Variants in ESRRG observed in about 807,000 individuals in gnomAD.
ESRRG encodes the protein estrogen related receptor gamma, also known as estrogen-related receptor gamma.
A neutral mutation model predicts 44.0 loss-of-function variants in ESRRG; 13 were observed. The ratio of observed to expected loss-of-function variants is 0.30; its 90% CI spans 0.19 to 0.47. The LOEUF (loss-of-function observed/expected upper bound fraction) is 0.47. Among genes scored for constraint, ESRRG ranks in the 20% least tolerant of loss-of-function variants. The pLI, the probability that ESRRG is intolerant of heterozygous loss-of-function variation, is 1.00. For missense variants in ESRRG, 395 were observed against 580.6 expected (o/e 0.68, Z 3.29); for synonymous variants, 215 against 214.6 (o/e 1.00, Z -0.02).
chr1:216,753,021 C>A (rs904872953), intron 2 of ESRRG, among the ~76,000 whole-genome samples: 1 of 151,942 alleles, frequency 6.6e-6, no homozygotes, highest in Admixed American at 6.6e-5. Context: ...TGCAGAACCA[C>A]CAGTAAGTTT....
At chr1:216,810,730 C>T (rs1360133190) in intron 2 of ESRRG, among the ~76,000 whole-genome samples, 1 of 147,286 alleles carries the variant, frequency 6.8e-6, no homozygotes, top group Non-Finnish European at 1.5e-5. Context: ...GTATGATATA[C>T]ACATGTATAT....
intron 2 of ESRRG, among the ~76,000 whole-genome samples, chr1:216,830,324 G>A (rs558729038): frequency 1.6e-4 from 24 of 152,266 alleles, no homozygotes; most frequent in East Asian, 1.2e-3. Flanking sequence ...CTGTCAAGTC[G>A]AGAACGAAGT....
intron 2 of ESRRG, among the ~76,000 whole-genome samples, chr1:216,800,890 A>G (rs947791474): frequency 5.3e-5 from 8 of 152,194 alleles, no homozygotes; most frequent in African/African-American, 1.9e-4. Context: ...GAAGGTATTA[A>G]CATATTAACA....
chr1:216,736,858 A>C (rs1360363410), intron 2 of ESRRG, among the ~76,000 whole-genome samples: 1 of 152,190 alleles, frequency 6.6e-6, no homozygotes, highest in Admixed American at 6.5e-5. Context: ...GGACATGCCA[A>C]GATGTGAGAA....
chr1:216,884,651 G>A (rs968224225), intron 2 of ESRRG, among the ~76,000 whole-genome samples: 1 of 152,182 alleles, frequency 6.6e-6, no homozygotes, highest in East Asian at 1.9e-4. Context: ...TCTAGGACAA[G>A]ACAACTTTCT....
chr1:216,592,658 G>A (rs893770199), intron 3 of ESRRG, among the ~76,000 whole-genome samples: 6 of 151,958 alleles, frequency 3.9e-5, no homozygotes, highest in African/African-American at 9.7e-5. Flanking sequence ...GCACCACCAC[G>A]CCCAGCTAAT....
intron 2 of ESRRG, among the ~76,000 whole-genome samples, chr1:216,860,366 G>T (rs2096028884): frequency 6.6e-6 from 1 of 152,066 alleles, no homozygotes; most frequent in African/African-American, 2.4e-5. Context: ...CAAATTGGAG[G>T]CAAGGGAGAT....
intron 1 of ESRRG, among the ~76,000 whole-genome samples, chr1:217,073,915 C>T (rs1394428669): frequency 6.6e-6 from 1 of 152,024 alleles, no homozygotes; most frequent in Non-Finnish European, 1.5e-5. Flanking sequence ...GACAATACTC[C>T]CAAGAAATAT....
At chr1:216,825,816 G>A (rs1214110080) in intron 2 of ESRRG, among the ~76,000 whole-genome samples, 1 of 152,100 alleles carries the variant, frequency 6.6e-6, no homozygotes, top group Admixed American at 6.6e-5. Flanking sequence ...GTAATGACAG[G>A]GAATCTTCAG....
intron 3 of ESRRG, among the ~76,000 whole-genome samples, chr1:216,604,931 T>C (rs979869089): frequency 2.0e-5 from 3 of 152,208 alleles, no homozygotes; most frequent in African/African-American, 7.2e-5. Context: ...ATTGAAACTC[T>C]AGCCCTCTGC....
chr1:216,814,465 T>A (rs2095072957), intron 2 of ESRRG, among the ~76,000 whole-genome samples: 1 of 152,230 alleles, frequency 6.6e-6, no homozygotes, highest in Non-Finnish European at 1.5e-5. Context: ...TTTAGCCAAA[T>A]CCAAATATTA....
At chr1:217,030,622 T>G (rs1458770396) in intron 1 of ESRRG, among the ~76,000 whole-genome samples, 1 of 152,222 alleles carries the variant, frequency 6.6e-6, no homozygotes, top group Admixed American at 6.5e-5. Context: ...AAGGTCTTCA[T>G]TGTTATTTTT....
chr1:216,773,631 A>G (rs2093472189), intron 2 of ESRRG, among the ~76,000 whole-genome samples: 1 of 152,132 alleles, frequency 6.6e-6, no homozygotes, highest in Non-Finnish European at 1.5e-5. Context: ...CAAATCCCCA[A>G]CACATGTTCT....
In ESRRG at chr1:216,685,921, TCA is replaced by T. The variant is rs570993551; in HGVS notation, c.57-8432_57-8431del. Among the ~76,000 whole-genome samples, 373 of 152,314 alleles carry T rather than the reference TCA, an allele frequency of 2.4e-3. 2 individuals carry two copies. The highest frequency in any genetic ancestry group is 8.4e-3 in the African/African-American group (348 of 41,570). On this transcript the variant is annotated intron_variant, in intron 1 of 6. Transcript: ENST00000408911. ...AAAAGGTACTCTGCAACTGAGTGAA[TCA>T]CAGTGTTGAGAAAATCTAAATGCTA...
Position 217,055,586 on chromosome 1 carries a change from C to T in ESRRG, c.-106+33921G>A, listed in dbSNP as rs1014164355. Among the ~76,000 whole-genome samples, 7 of 152,270 alleles carry T rather than the reference C, an allele frequency of 4.6e-5. No homozygotes were observed. In the East Asian group the frequency reaches 1.2e-3, roughly 25 times the overall value. Reference sequence around the variant, plus strand: ...AAAACCAGGGCTTCAACCCCCTGTACAGCCATGGGATAGGCTGGGGCTCAG... The same window carrying T: ...AAAACCAGGGCTTCAACCCCCTGTATAGCCATGGGATAGGCTGGGGCTCAG... On this transcript the variant is annotated intron_variant, in intron 1 of 7. Coordinates refer to the ESRRG transcript ENST00000359162.
chr1:216,663,860 C>G (rs2151277339), intron 2 of ESRRG, among the ~76,000 whole-genome samples: 1 of 152,112 alleles, frequency 6.6e-6, no homozygotes, highest in Non-Finnish European at 1.5e-5. Context: ...TTAAGACTAA[C>G]AAACAAAAAT....
At chr1:216,563,452 G>A (rs1480154481) in intron 5 of ESRRG, among the ~76,000 whole-genome samples, 6 of 152,092 alleles carry the variant, frequency 3.9e-5, no homozygotes, top group Non-Finnish European at 8.8e-5. Flanking sequence ...AAAGCATAAA[G>A]ACAAACTAGT....
chr1:217,133,913 G>C (rs1011415795), intron 1 of ESRRG, among the ~76,000 whole-genome samples: 2 of 151,990 alleles, frequency 1.3e-5, no homozygotes, highest in East Asian at 3.9e-4. Flanking sequence ...AACATTTAGA[G>C]GTCAGAGCCA....
intron 3 of ESRRG, among the ~76,000 whole-genome samples, chr1:216,624,363 C>G (rs1054007374): frequency 1.3e-5 from 2 of 152,128 alleles, no homozygotes; most frequent in Admixed American, 1.3e-4. Flanking sequence ...TTCCAGCCCT[C>G]TAAGAAACCT....
Sources: gnomAD v4.1 joint callset for allele counts (sites outside exome capture counted in the v4.1 genomes callset) on GRCh38, gnomAD v4.1.1 for gene constraint, MANE v1.5 for transcripts, NCBI Gene and HGNC (gene_info 2026-07-23, HGNC 2026-07-21) for gene names.